The following LRMDA variants were observed in gnomAD, a reference collection of about 807,000 sequenced individuals.
LRMDA encodes leucine rich melanocyte differentiation associated, also known as leucine-rich melanocyte differentiation-associated protein.
Under a neutral mutation model 29.8 loss-of-function variants are expected in LRMDA, and 18 were observed. That is an observed-to-expected ratio of 0.60 (90% CI 0.42 to 0.90). LRMDA has a LOEUF of 0.90. Ranked by LOEUF, LRMDA falls within the 40% of genes least tolerant of loss-of-function variation. The pLI is 0.00. For synonymous variants in LRMDA, 125 were observed against 109.4 expected, an observed-to-expected ratio of 1.14 and a Z score of -0.89; for missense variants, 273 against 273.9, an observed-to-expected ratio of 1.00 and a Z score of 0.02.
chr10:75,646,673 C>T (rs926290927), intron 2 of LRMDA, among the ~76,000 whole-genome samples: 4 of 152,214 alleles, frequency 2.6e-5, no homozygotes, highest in Non-Finnish European at 5.9e-5. Flanking sequence ...GCCCCCTCTA[C>T]GGAACAAATG....
chr10:75,552,717 A>AGT (rs1286441625), intron 2 of LRMDA, among the ~76,000 whole-genome samples: 2 of 149,838 alleles, frequency 1.3e-5, no homozygotes, highest in Non-Finnish European at 3.0e-5. Context: ...TATATGTTAT[A>AGT]CTGTTTACTA....
intron 2 of LRMDA, among the ~76,000 whole-genome samples, chr10:75,958,367 A>G (rs1846701546): frequency 6.6e-6 from 1 of 152,194 alleles, no homozygotes; most frequent in Middle Eastern, 3.2e-3. Flanking sequence ...GGTCAATTCA[A>G]TTTTCCGGTT....
At chr10:75,717,732 T>A in intron 2 of LRMDA, among the ~76,000 whole-genome samples, 1 of 152,170 alleles carries the variant, frequency 6.6e-6, no homozygotes, top group African/African-American at 2.4e-5. Context: ...CATGTGTTCA[T>A]CTTCAGAACC....
chr10:75,802,606 G>A (rs1843772628), intron 2 of LRMDA, among the ~76,000 whole-genome samples: 1 of 151,998 alleles, frequency 6.6e-6, no homozygotes, highest in Non-Finnish European at 1.5e-5. Flanking sequence ...ATCAAAAAGG[G>A]TAGTGTTGTT....
chr10:75,758,556 C>T (rs1183382383), intron 2 of LRMDA, among the ~76,000 whole-genome samples: 8 of 152,216 alleles, frequency 5.3e-5, no homozygotes, highest in African/African-American at 1.9e-4. Context: ...TAGGCTGGGT[C>T]CGCCAAATGG....
chr10:75,531,235 A>G (rs1485629659), intron 2 of LRMDA, among the ~76,000 whole-genome samples: 1 of 152,128 alleles, frequency 6.6e-6, no homozygotes. Flanking sequence ...ACGAGTGCTG[A>G]AGAGAGGTGG....
At chr10:75,608,524 A>C (rs575055846) in intron 2 of LRMDA, among the ~76,000 whole-genome samples, 66 of 152,204 alleles carry the variant, frequency 4.3e-4, no homozygotes, top group Non-Finnish European at 8.2e-4. Flanking sequence ...TGTGAAGAGA[A>C]GACTACATTA....
At chr10:76,010,289 G>A (rs1847753191) in intron 2 of LRMDA, among the ~76,000 whole-genome samples, 1 of 151,754 alleles carries the variant, frequency 6.6e-6, no homozygotes, top group Admixed American at 6.6e-5. Flanking sequence ...ATGGTGTTTA[G>A]GGTACTCTTA....
At chr10:75,869,706 G>T (rs1006252211) in intron 2 of LRMDA, among the ~76,000 whole-genome samples, 1 of 152,062 alleles carries the variant, frequency 6.6e-6, no homozygotes, top group Non-Finnish European at 1.5e-5. Flanking sequence ...AACTCTTCAG[G>T]TTGGCTTTTA....
chr10:76,449,413 A>T (rs1163888087), intron 6 of LRMDA, among the ~76,000 whole-genome samples: 2 of 151,816 alleles, frequency 1.3e-5, no homozygotes, highest in Non-Finnish European at 2.9e-5. Flanking sequence ...TTTCCCAGAT[A>T]TTGCTTTCTG....
intron 5 of LRMDA, among the ~76,000 whole-genome samples, chr10:76,115,204 C>T (rs1443698331): frequency 6.6e-6 from 1 of 152,332 alleles, no homozygotes; most frequent in South Asian, 2.1e-4. Flanking sequence ...ATTTTCCTTA[C>T]TATTGATTAA....
chr10:75,979,176 GTTGTTA>G (rs1307304412), intron 2 of LRMDA, among the ~76,000 whole-genome samples: 1 of 152,084 alleles, frequency 6.6e-6, no homozygotes, highest in East Asian at 1.9e-4. Flanking sequence ...TATTATTTCT[GTTGTTA>G]TTGTTATTAT....
intron 2 of LRMDA, among the ~76,000 whole-genome samples, chr10:75,564,313 CTG>C (rs1840341659): frequency 6.6e-6 from 1 of 152,216 alleles, no homozygotes; most frequent in Non-Finnish European, 1.5e-5. Context: ...CATCGAGACT[CTG>C]TGGGCATAGG....
chr10:75,668,292 C>G (rs916040469), intron 2 of LRMDA, among the ~76,000 whole-genome samples: 2 of 152,102 alleles, frequency 1.3e-5, no homozygotes, highest in Non-Finnish European at 2.9e-5. Flanking sequence ...TTTGTGATTC[C>G]CATAGTACAC....
chr10:75,769,454 T>G (rs1843209722), intron 2 of LRMDA, among the ~76,000 whole-genome samples: 1 of 152,202 alleles, frequency 6.6e-6, no homozygotes, highest in South Asian at 2.1e-4. Context: ...AGGCTAATAA[T>G]TTTTTTGCAA....
In LRMDA at chr10:76,290,411, CTTTTTTTTT is replaced by C. The variant is rs11321369; in HGVS notation, c.517-33973_517-33965del. Among the ~76,000 whole-genome samples, 541 of 76,788 alleles carry C rather than the reference CTTTTTTTTT, an allele frequency of 7.0e-3. 1 individual carries two copies. The highest frequency in any genetic ancestry group is 9.3e-3 in the South Asian group (15 of 1,620). 50.4% of individuals were successfully genotyped at this position (76,788 alleles called of 152,430 possible). A position where few individuals can be genotyped will look rare whatever the true frequency, so the allele number is the denominator to read the frequency against. On this transcript the variant is annotated intron_variant, in intron 5 of 6. Transcript: ENST00000611255. ...ACTGTACAATTTAGGTTTATTTTCT[CTTTTTTTTT>C]TTTTTTTTTTTTTTTTGAGACAGAG...
At chr10:75,651,030 C>G (rs1159432076) in intron 2 of LRMDA, among the ~76,000 whole-genome samples, 3 of 152,196 alleles carry the variant, frequency 2.0e-5, no homozygotes, top group Non-Finnish European at 4.4e-5. Flanking sequence ...AAAATGTTCT[C>G]TCCACCATTT....
At chr10:76,219,803 C>T (rs1851796507) in intron 5 of LRMDA, among the ~76,000 whole-genome samples, 1 of 152,200 alleles carries the variant, frequency 6.6e-6, no homozygotes, top group African/African-American at 2.4e-5. Context: ...CCCAAATCAA[C>T]AGAGTATACA....
intron 2 of LRMDA, among the ~76,000 whole-genome samples, chr10:75,637,841 G>A (rs983588118): frequency 2.0e-5 from 3 of 152,098 alleles, no homozygotes; most frequent in African/African-American, 7.2e-5. Context: ...CTGTCAGCCC[G>A]GCTGGCAGGA....
Sources: gnomAD v4.1 joint callset for allele counts (sites outside exome capture counted in the v4.1 genomes callset) on GRCh38, gnomAD v4.1.1 for gene constraint, MANE v1.5 for transcripts, NCBI Gene and HGNC (gene_info 2026-07-23, HGNC 2026-07-21) for gene names.